The following MACIR variants were observed in gnomAD, a reference collection of about 807,000 sequenced individuals.
The protein encoded by MACIR is macrophage immunometabolism regulator.
A neutral mutation model predicts 14.3 loss-of-function variants in MACIR; 4 were observed. The observed-to-expected ratio is 0.28, with a 90% confidence interval of 0.14 to 0.64. The LOEUF (loss-of-function observed/expected upper bound fraction) is 0.64, where lower values mean the gene tolerates loss of function less well. Ranked by LOEUF, MACIR falls within the 30% of genes least tolerant of loss-of-function variation. MACIR has a pLI of 0.83. For synonymous variants in MACIR, 101 were observed against 102.4 expected (o/e 0.99, Z 0.08); for missense variants, 228 against 257.6 (o/e 0.89, Z 0.79).
chr5:103,264,174 C>A (rs1013852538), intron 1 of MACIR, among the ~76,000 whole-genome samples: 1 of 152,042 alleles, frequency 6.6e-6, no homozygotes, highest in Non-Finnish European at 1.5e-5. Context: ...TATCATTGAA[C>A]AGAGGCCAGA....
chr5:103,269,208 TAAAC>T (rs1166135445), intron 2 of MACIR, among the ~76,000 whole-genome samples: 3 of 152,012 alleles, frequency 2.0e-5, no homozygotes, highest in African/African-American at 7.2e-5. Flanking sequence ...ACCCTGTGTC[TAAAC>T]AAACAAACAA....
chr5:103,258,507 C>T (rs1804535799), upstream of MACIR, among the ~76,000 whole-genome samples: 1 of 152,110 alleles, frequency 6.6e-6, no homozygotes. Flanking sequence ...ACTCCTCCTC[C>T]CCACCACCAG....
intron 1 of MACIR, among the ~76,000 whole-genome samples, chr5:103,265,073 T>G (rs1486704016): frequency 6.6e-6 from 1 of 152,054 alleles, no homozygotes; most frequent in African/African-American, 2.4e-5. Context: ...ATTAACCCTA[T>G]TAACTAGGGA....
chr5:103,262,110 T>G (rs992036460), intron 1 of MACIR, among the ~76,000 whole-genome samples: 1 of 152,176 alleles, frequency 6.6e-6, no homozygotes, highest in African/African-American at 2.4e-5. Flanking sequence ...CTCCCTTTTT[T>G]GGGTTCCTAG....
chr5:103,261,638 TTTTC>T (rs781826997), intron 1 of MACIR, among the ~76,000 whole-genome samples: 14,680 of 96,574 alleles, frequency 0.15, 1,116 homozygotes, highest in South Asian at 0.2. Context: ...CTGTTTTTCT[TTTTC>T]TTTCTTTCTT....
intron 2 of MACIR, among the ~76,000 whole-genome samples, chr5:103,268,884 T>A (rs554796794): frequency 6.6e-6 from 1 of 152,212 alleles, no homozygotes; most frequent in South Asian, 2.1e-4. Context: ...TCAAGGTGGA[T>A]GTTCCAGGTA....
intron 2 of MACIR, among the ~76,000 whole-genome samples, chr5:103,270,021 A>G (rs1805071205): frequency 6.6e-6 from 1 of 152,164 alleles, no homozygotes; most frequent in Middle Eastern, 3.2e-3. Context: ...TGTCCCTTTC[A>G]TTTATCTTTT....
chr5:103,266,037 A>G (rs781798562), intron 2 of MACIR, 40 bp downstream of exon 2: 1 of 152,116 alleles, frequency 6.6e-6, no homozygotes, highest in Non-Finnish European at 1.5e-5. Flanking sequence ...TAACAGTTGT[A>G]TGAACACAAT....
At chr5:103,274,589 A>G (rs1805252008) in intron 2 of MACIR, among the ~76,000 whole-genome samples, 1 of 151,502 alleles carries the variant, frequency 6.6e-6, no homozygotes, top group Non-Finnish European at 1.5e-5. Flanking sequence ...ACAGCGTGGT[A>G]TCTGGTAACT....
intron 2 of MACIR, 89 bp from the exon 3 acceptor site, chr5:103,275,808 T>A: frequency 9.1e-7 from 1 of 1,102,352 alleles, no homozygotes; most frequent in African/African-American, 1.6e-5. Flanking sequence ...CAAGTGTTAC[T>A]TCATGCTCCC....
intron 1 of MACIR, among the ~76,000 whole-genome samples, chr5:103,261,689 T>C (rs541113133): frequency 1.7e-4 from 22 of 127,584 alleles, no homozygotes; most frequent in African/African-American, 6.4e-4. Context: ...TTTCTTTCTT[T>C]CTTTCTTTCT....
Position 103,277,617 on chromosome 5 carries a change from A to G in MACIR, c.*1077A>G, listed in dbSNP as rs1312047752. ...AGCCTAACGTGCTTCTACTGTTTTA[A>G]TGGGTTAATCCTGGATTACTTAACA... On this transcript the variant is annotated 3_prime_UTR_variant, in exon 3 of 3. Coordinates refer to ENST00000319933, the MANE Select transcript of MACIR (RefSeq NM_033211.4). The G allele has an allele frequency of 6.0e-6, 1 of 167,038 alleles. No homozygotes were observed. Among genetic ancestry groups the G allele is most frequent in the Non-Finnish European group, 1.5e-5 (1 of 68,096 alleles). 10.3% of individuals were successfully genotyped at this position (167,038 alleles called of 1,614,324 possible).
At chr5:103,266,518 T>A (rs1358777574) in intron 2 of MACIR, among the ~76,000 whole-genome samples, 1 of 152,164 alleles carries the variant, frequency 6.6e-6, no homozygotes, top group African/African-American at 2.4e-5. Context: ...CGGTTAAAAA[T>A]ATGCAATGCT....
At chr5:103,265,547 T>A (rs141231219) in intron 1 of MACIR, among the ~76,000 whole-genome samples, 1 of 152,242 alleles carries the variant, frequency 6.6e-6, no homozygotes, top group Non-Finnish European at 1.5e-5. Flanking sequence ...TAAGCATTAT[T>A]TTTTTTCCAT....
chr5:103,259,401 G>A (rs1187968413), intron 1 of MACIR: 1 of 152,150 alleles, frequency 6.6e-6, no homozygotes, highest in Non-Finnish European at 1.5e-5. Flanking sequence ...GGGCGCGTTG[G>A]CGCGCACGCT....
intron 2 of MACIR, among the ~76,000 whole-genome samples, chr5:103,272,110 T>A (rs1805153489): frequency 6.6e-6 from 1 of 152,210 alleles, no homozygotes; most frequent in Non-Finnish European, 1.5e-5. Flanking sequence ...ATACAAGGTT[T>A]ATTTGACAAT....
chr5:103,268,627 T>C (rs1324618005), intron 2 of MACIR, among the ~76,000 whole-genome samples: 1 of 152,210 alleles, frequency 6.6e-6, no homozygotes, highest in Non-Finnish European at 1.5e-5. Flanking sequence ...CCTGGGAATC[T>C]TTTACAACTT....
chr5:103,271,959 A>T (rs957206179), intron 2 of MACIR, among the ~76,000 whole-genome samples: 2 of 152,206 alleles, frequency 1.3e-5, no homozygotes, highest in African/African-American at 2.4e-5. Flanking sequence ...GGAATGAAGC[A>T]GTTGGCATTA....
chr5:103,265,757 T>C (rs149187754), intron 1 of MACIR, among the ~76,000 whole-genome samples, 151 bp from the exon 2 acceptor site: 1 of 152,162 alleles, frequency 6.6e-6, no homozygotes. Flanking sequence ...TCAACATCAA[T>C]TGAATTAATT....
Sources: allele counts gnomAD v4.1 joint callset (sites outside exome capture counted in the v4.1 genomes callset), GRCh38; gene constraint gnomAD v4.1.1; transcripts MANE v1.5; gene names NCBI Gene and HGNC (gene_info 2026-07-23, HGNC 2026-07-21).